EPG5: variants seen among roughly 807,000 people sequenced by gnomAD.
EPG5 encodes ectopic P-granules 5 autophagy tethering factor.
A neutral mutation model predicts 302.7 loss-of-function variants in EPG5; 159 were observed. That is an observed-to-expected ratio of 0.53 (90% CI 0.46 to 0.60). The LOEUF is 0.60. Ranked by LOEUF, EPG5 falls within the 20% of genes least tolerant of loss-of-function variation. EPG5 has a pLI of 0.00. For missense variants in EPG5, 2,896 were observed against 3,092.4 expected (o/e 0.94, Z 1.51); for synonymous variants, 1,158 against 1,136.8 (o/e 1.02, Z -0.37).
chr18:45,933,008 G>T (rs1490310861), intron 11 of EPG5, among the ~76,000 whole-genome samples: 1 of 152,154 alleles, frequency 6.6e-6, no homozygotes, highest in Middle Eastern at 3.2e-3. Context: ...GCAATGAAGG[G>T]AGATGACACT....
chr18:45,823,259 C>T, the EPG5 span, among the ~76,000 whole-genome samples: 26 of 152,154 alleles, frequency 1.7e-4, no homozygotes, highest in Middle Eastern at 3.4e-3. Flanking sequence ...GAGCTTGGTC[C>T]TGAGGTTTTA....
At position 45,954,641 on chromosome 18, in the gene EPG5, G is replaced by T. The variant is rs1359899957; in HGVS notation, c.761C>A (p.Pro254Gln). 1.2e-6 allele frequency: 2 copies of T among 1,614,232 alleles called. No homozygotes were observed. The highest frequency in any genetic ancestry group is 2.2e-5 in the East Asian group (1 of 44,894). ...PELPSQLELV[P>Q]FTKEQLKILE... is the part of the protein sequence containing the mutation. Reference sequence around the variant, plus strand: ...GATTTTTAGCTGTTCTTTAGTAAATGGTACTAGTTCCAGTTGAGACGGGAG... The same window carrying T: ...GATTTTTAGCTGTTCTTTAGTAAATTGTACTAGTTCCAGTTGAGACGGGAG... Residue 254 changes from proline to glutamine, a missense_variant, in exon 2 of 44, where the codon CCA becomes CAA. Physicochemically the swap from Pro to Gln is moderately conservative, Grantham distance 76. This residue lies in a region of EPG5 where 1,390 missense variants were observed against 1,430.0 expected (regional missense o/e 0.97). Coordinates refer to ENST00000282041, the MANE Select transcript of EPG5 (RefSeq NM_020964.3).
rs2048429557 is a variant in EPG5, at chr18:45,851,998, T to C, written c.*469A>G. 1.3e-5 allele frequency: 2 copies of C among 152,876 alleles called. No homozygotes were observed. Among genetic ancestry groups the C allele is most frequent in the South Asian group, 4.1e-4 (2 of 4,838 alleles). The allele number at this position is 152,876 out of a possible 1,614,324, so 9.5% of individuals were successfully genotyped here. ...ATTGTATTTGTCCACATTTGAGAAA[T>C]GCAGAAATTTTTCAAAATTGACTTC... On this transcript the variant is annotated 3_prime_UTR_variant, in exon 44 of 44. Coordinates refer to ENST00000282041, the MANE Select transcript of EPG5 (RefSeq NM_020964.3).
At chr18:45,810,139 G>T in the EPG5 span, among the ~76,000 whole-genome samples, 1 of 152,036 alleles carries the variant, frequency 6.6e-6, no homozygotes, top group Non-Finnish European at 1.5e-5. Context: ...TTCTTAGAAA[G>T]ATACAACTCT....
At chr18:45,933,442 G>T (rs1260764050) in intron 11 of EPG5, among the ~76,000 whole-genome samples, 1 of 152,170 alleles carries the variant, frequency 6.6e-6, no homozygotes, top group Non-Finnish European at 1.5e-5. Context: ...GTTTTGGGAG[G>T]CCAAGGCAGG....
At position 45,870,680 on chromosome 18, in the gene EPG5, A is replaced by C. The variant is rs375057925; in HGVS notation, c.6112T>G (p.Cys2038Gly). The C allele has an allele frequency of 1.9e-6, 3 of 1,613,570 alleles. No homozygotes were observed. The highest frequency in any genetic ancestry group is 2.5e-6 in the Non-Finnish European group (3 of 1,179,794). Residue 2038 changes from cysteine to glycine, a missense_variant, in exon 36 of 44, where the codon TGT (cysteine) becomes GGT (glycine). By Grantham distance (159) the Cys-to-Gly change is radical. Around this residue, in one of 5 missense-constraint regions of EPG5, gnomAD observed 620 missense variants for 704.2 expected, o/e 0.88. Transcript: ENST00000282041. ...AACTCTGGCATTTTGGGTGCTGTAC[A>C]TGCTTCACAATAATGCATCAGGTGC... ...WLHLMHYCEA[C>G]TAPKMPEFIL...
chr18:45,806,859 T>G, the EPG5 span, among the ~76,000 whole-genome samples: 1 of 151,942 alleles, frequency 6.6e-6, no homozygotes, highest in African/African-American at 2.4e-5. Context: ...GGTGGAGAAC[T>G]CTCCTGGTCA....
the EPG5 span, among the ~76,000 whole-genome samples, chr18:45,818,630 G>C: frequency 6.6e-6 from 1 of 151,370 alleles, no homozygotes; most frequent in Non-Finnish European, 1.5e-5. Context: ...GTGTGAGTGT[G>C]TAAAACAAAA....
At chr18:45,938,654 G>T (rs924726248) in intron 10 of EPG5, among the ~76,000 whole-genome samples, 5 of 151,928 alleles carry the variant, frequency 3.3e-5, no homozygotes, top group African/African-American at 9.7e-5. Context: ...AGTCCTTTAT[G>T]GTTTAAAATG....
In EPG5 at chr18:45,901,073, G is replaced by A. The variant is rs2145588826; in HGVS notation, c.4569C>T (p.Ser1523=). 2 of 1,614,190 alleles carry A rather than the reference G, an allele frequency of 1.2e-6. No homozygotes were observed. The highest frequency in any genetic ancestry group is 8.5e-7 in the Non-Finnish European group (1 of 1,180,042). ...CCTTCTGACTCAATAGCACAGCAGAGGAAATAACTGGCACAGGAGGCTTCG... is the reference window on the plus strand; with the variant it reads ...CCTTCTGACTCAATAGCACAGCAGAAGAAATAACTGGCACAGGAGGCTTCG... ...HPTKPPVPVI[S]SAVLLSQKDA... is the part of the protein sequence containing the mutation. Residue 1523 remains serine (S), a synonymous_variant, in exon 26 of 44, where the codon TCC becomes TCT. Coordinates refer to ENST00000282041, the MANE Select transcript of EPG5 (RefSeq NM_020964.3).
At chr18:45,857,826 AAC>A (rs770649193) in intron 42 of EPG5, 25 bp downstream of exon 42, 1 of 1,599,906 alleles carries the variant, frequency 6.3e-7, no homozygotes. Context: ...TATTTAGAAC[AAC>A]AGTGTTAGAA....
intron 4 of EPG5, among the ~76,000 whole-genome samples, 154 bp from the exon 5 acceptor site, chr18:45,949,745 C>A (rs1335550784): frequency 6.6e-6 from 1 of 152,168 alleles, no homozygotes; most frequent in Non-Finnish European, 1.5e-5. Context: ...TGAGTTTCTA[C>A]GAGGCCTACA....
At chr18:45,847,592 G>A (rs1022479709), downstream of EPG5, 7 of 152,416 alleles carry the variant, frequency 4.6e-5, no homozygotes, top group African/African-American at 1.7e-4. Context: ...GAAACAATGA[G>A]ACAGGCCCGC....
chr18:45,902,679 A>G (rs903463457), intron 25 of EPG5, among the ~76,000 whole-genome samples: 6 of 152,210 alleles, frequency 3.9e-5, no homozygotes, highest in African/African-American at 1.4e-4. Context: ...TCATCAACTA[A>G]TCTCTTATAT....
chr18:45,926,131 C>A (rs2050262033), intron 13 of EPG5, among the ~76,000 whole-genome samples: 2 of 152,148 alleles, frequency 1.3e-5, no homozygotes, highest in African/African-American at 4.8e-5. Flanking sequence ...AAAGATCAAT[C>A]TTTTTAAATA....
At chr18:45,921,749 G>T (rs906975195) in intron 16 of EPG5, among the ~76,000 whole-genome samples, 1 of 151,932 alleles carries the variant, frequency 6.6e-6, no homozygotes, top group African/African-American at 2.4e-5. Context: ...ACTCATAGGT[G>T]GAAATTGAAC....
chr18:45,824,460 C>A, the EPG5 span, among the ~76,000 whole-genome samples: 1 of 152,318 alleles, frequency 6.6e-6, no homozygotes, highest in Non-Finnish European at 1.5e-5. Context: ...CCCGCCTCAG[C>A]CTCCCAACAT....
At position 45,867,548 on chromosome 18, in the gene EPG5, G is replaced by A; in HGVS notation, c.6411+15C>T. 2 of 1,610,052 alleles carry A rather than the reference G, an allele frequency of 1.2e-6. No homozygotes were observed. The highest frequency in any genetic ancestry group is 1.7e-6 in the Non-Finnish European group (2 of 1,177,632). On this transcript the variant is annotated intron_variant, in intron 37 of 43. Coordinates refer to ENST00000282041, the MANE Select transcript of EPG5 (RefSeq NM_020964.3). ...CAGCCTTGCCGAATTTTTGCCATAA[G>A]CTTCCCAAACTTACTGTTTGGTCTA...
chr18:45,880,531 T>A (rs116138037), intron 31 of EPG5, among the ~76,000 whole-genome samples: 388 of 152,222 alleles, frequency 2.5e-3, no homozygotes, highest in African/African-American at 8.8e-3. Flanking sequence ...ATGGTGGCAG[T>A]GCCTCTCCTG....
Sources: allele counts gnomAD v4.1 joint callset (sites outside exome capture counted in the v4.1 genomes callset), GRCh38; gene constraint gnomAD v4.1.1; regional missense constraint gnomAD v4.1.1; transcripts MANE v1.5; gene names NCBI Gene and HGNC (gene_info 2026-07-23, HGNC 2026-07-21).